BLTP1: variants seen among roughly 807,000 people sequenced by gnomAD.
BLTP1 encodes the protein fragile site-associated protein.
At chr4:122,244,880 G>A in the BLTP1 span, 7 of 1,076,600 alleles carry the variant, frequency 6.5e-6, no homozygotes, top group Non-Finnish European at 8.9e-6. Flanking sequence ...TTCTAAATAT[G>A]TGGCTTAGAC....
At chr4:122,276,553 A>G in the BLTP1 span, 2 of 985,338 alleles carry the variant, frequency 2.0e-6, no homozygotes, top group Non-Finnish European at 2.4e-6. Flanking sequence ...TCACATCTAG[A>G]GAGCCATTTG....
the BLTP1 span, among the ~76,000 whole-genome samples, chr4:122,193,902 G>A: frequency 3.3e-5 from 5 of 151,664 alleles, no homozygotes; most frequent in Non-Finnish European, 7.4e-5. Flanking sequence ...TCGCTCTGTC[G>A]CCCAGGCTGG....
At chr4:122,315,403 A>G in the BLTP1 span, 12 of 1,600,862 alleles carry the variant, frequency 7.5e-6, no homozygotes, top group Admixed American at 3.4e-5. Flanking sequence ...TACTTTGTAA[A>G]GTTATTTCAA....
chr4:122,300,928 A>AG, the BLTP1 span: 15 of 984,806 alleles, frequency 1.5e-5, no homozygotes, highest in Non-Finnish European at 1.8e-5. Flanking sequence ...CAAAAAAAAA[A>AG]AAAAATGCTC....
the BLTP1 span, among the ~76,000 whole-genome samples, chr4:122,292,031 C>T: frequency 7.4e-6 from 1 of 134,774 alleles, no homozygotes; most frequent in East Asian, 2.2e-4. Flanking sequence ...AGTGCAATGG[C>T]GCGATCTCAG....
At chr4:122,220,385 G>GT in the BLTP1 span, 3 of 1,613,380 alleles carry the variant, frequency 1.9e-6, no homozygotes, top group Non-Finnish European at 2.5e-6. Context: ...GAAAGACTAT[G>GT]TTTTGAAATG....
chr4:122,237,853 C>A, the BLTP1 span, among the ~76,000 whole-genome samples: 1 of 151,516 alleles, frequency 6.6e-6, no homozygotes, highest in African/African-American at 2.4e-5. Context: ...TGTGGTGGTG[C>A]GTGCCTGTAG....
At chr4:122,353,662 T>C in the BLTP1 span, 1 of 886,984 alleles carries the variant, frequency 1.1e-6, no homozygotes, top group Non-Finnish European at 1.6e-6. This position sits in a 1 kb window ranked among gnomAD's most constrained non-coding sequence, Gnocchi z 4.3. Context: ...GAAGAATTAT[T>C]TGTGAATTAT....
chr4:122,205,830 T>G, the BLTP1 span: 1 of 283,616 alleles, frequency 3.5e-6, no homozygotes, highest in Non-Finnish European at 5.3e-6. Flanking sequence ...TCTAATTTTA[T>G]GTACATGGTA....
At chr4:122,347,422 A>C in the BLTP1 span, 1 of 1,425,556 alleles carries the variant, frequency 7.0e-7, no homozygotes, top group Non-Finnish European at 9.5e-7. Context: ...AGGAATATGT[A>C]ATGTGATTAG....
At chr4:122,283,091 T>C in the BLTP1 span, among the ~76,000 whole-genome samples, 1 of 152,216 alleles carries the variant, frequency 6.6e-6, no homozygotes, top group Non-Finnish European at 1.5e-5. Context: ...GTATGATGTG[T>C]ATTTTTATGT....
chr4:122,280,037 C>A, the BLTP1 span: 2 of 1,608,014 alleles, frequency 1.2e-6, no homozygotes, highest in Non-Finnish European at 1.7e-6. Flanking sequence ...TCAGGGTATT[C>A]TTTGCTGCAT....
the BLTP1 span, among the ~76,000 whole-genome samples, chr4:122,171,535 A>G: frequency 6.6e-6 from 1 of 152,118 alleles, no homozygotes; most frequent in South Asian, 2.1e-4. Flanking sequence ...GTCTCACTTA[A>G]TGCTCAGAGT....
At chr4:122,173,173 A>T in the BLTP1 span, 1 of 1,599,512 alleles carries the variant, frequency 6.3e-7, no homozygotes, top group African/African-American at 1.4e-5. Context: ...GTTAACACTG[A>T]ATTTTTTTCT....
chr4:122,204,954 C>T, the BLTP1 span: 57 of 222,822 alleles, frequency 2.6e-4, no homozygotes, highest in African/African-American at 1.2e-3. Context: ...TTAATAGCCA[C>T]ATGCCTTTTA....
At chr4:122,173,276 C>G in the BLTP1 span, 1 of 1,040,276 alleles carries the variant, frequency 9.6e-7, no homozygotes, top group South Asian at 1.6e-5. Context: ...CAATTTATGT[C>G]TGATAGTTCT....
the BLTP1 span, among the ~76,000 whole-genome samples, chr4:122,219,801 T>A: frequency 2.0e-5 from 3 of 152,230 alleles, no homozygotes; most frequent in Admixed American, 1.3e-4. Flanking sequence ...CTTTGCTATA[T>A]GTGTAATGTC....
At chr4:122,217,777 G>A in the BLTP1 span, among the ~76,000 whole-genome samples, 1 of 152,122 alleles carries the variant, frequency 6.6e-6, no homozygotes, top group African/African-American at 2.4e-5. Context: ...AATAGTTTCA[G>A]TAGGATTGGT....
chr4:122,336,723 G>C, the BLTP1 span: 7 of 870,998 alleles, frequency 8.0e-6, no homozygotes, highest in Non-Finnish European at 9.6e-6. Context: ...TGAGCAAGAG[G>C]TGCGAACAGG....
Sources: gnomAD v4.1 joint callset for allele counts (sites outside exome capture counted in the v4.1 genomes callset) on GRCh38, gnomAD v4.1.1 for gene constraint, Gnocchi (gnomAD v3.1) non-coding constraint, MANE v1.5 for transcripts, NCBI Gene and HGNC (gene_info 2026-07-23, HGNC 2026-07-21) for gene names.